The following LRRK1 variants were observed in gnomAD, a reference collection of about 807,000 sequenced individuals.
The protein encoded by LRRK1 is leucine-rich repeat serine/threonine-protein kinase 1.
In LRRK1, 113 loss-of-function variants were observed where a neutral mutation model predicts 209.1. That is an observed-to-expected ratio of 0.54 (90% CI 0.46 to 0.63). LRRK1 has a LOEUF of 0.63. Among genes scored for constraint, LRRK1 ranks in the 30% least tolerant of loss-of-function variants. The pLI is 0.00. For synonymous variants in LRRK1, 1,144 were observed against 1,099.7 expected, an observed-to-expected ratio of 1.04 and a Z score of -0.80; for missense variants, 2,284 against 2,632.2, an observed-to-expected ratio of 0.87 and a Z score of 2.89.
chr15:100,947,801 G>A (rs772319064), intron 2 of LRRK1, among the ~76,000 whole-genome samples: 26 of 152,124 alleles, frequency 1.7e-4, no homozygotes, highest in Non-Finnish European at 1.0e-4. Flanking sequence ...GAACTTTCAA[G>A]CAGGAAAAAC....
intron 21 of LRRK1, among the ~76,000 whole-genome samples, chr15:101,047,804 G>A (rs952727169): frequency 6.6e-6 from 1 of 152,140 alleles, no homozygotes; most frequent in Non-Finnish European, 1.5e-5. Context: ...CAGACCCTTC[G>A]ACCAATAATC....
chr15:101,011,848 AG>A (rs1322229619), intron 9 of LRRK1, among the ~76,000 whole-genome samples, 159 bp from the exon 10 acceptor site: 12 of 152,334 alleles, frequency 7.9e-5, no homozygotes, highest in Non-Finnish European at 1.2e-4. Context: ...GGACAAGGAC[AG>A]TGAGGGTGTG....
intron 4 of LRRK1, among the ~76,000 whole-genome samples, chr15:100,986,410 A>G (rs2031873801): frequency 6.6e-6 from 1 of 152,208 alleles, no homozygotes; most frequent in Non-Finnish European, 1.5e-5. Flanking sequence ...TGTGGTTAAG[A>G]GAGCACCCTT....
rs1247341695 is a variant in LRRK1 at position 101,028,967 on chromosome 15, C to T, written c.2698C>T (p.Leu900Phe). 6.2e-7 allele frequency: 1 copy of T among 1,613,968 alleles called. No individual in the cohort carries two copies. Among genetic ancestry groups the T allele is most frequent in the Non-Finnish European group, 8.5e-7 (1 of 1,179,938 alleles). The change falls in exon 20 of 34, where the codon CTC becomes TTC. Residue 900 changes from leucine to phenylalanine, a missense_variant. By Grantham distance (22) the Leu-to-Phe change is conservative (BLOSUM62 0). Around this residue, in one of 6 missense-constraint regions of LRRK1, gnomAD observed 780 missense variants for 985.2 expected, o/e 0.79. Coordinates refer to ENST00000388948, the MANE Select transcript of LRRK1 (RefSeq NM_024652.6). ...YEDLQSAISF[L>F]IETGTLLHFP... ...CTTGCCTGGGGCAGCCATCAGCTTCCTCATAGAAACCGGCACCCTGCTCCA... is the reference window on the plus strand; with the variant it reads ...CTTGCCTGGGGCAGCCATCAGCTTCTTCATAGAAACCGGCACCCTGCTCCA...
intron 2 of LRRK1, among the ~76,000 whole-genome samples, chr15:100,952,724 G>T (rs1483838905): frequency 6.6e-6 from 1 of 152,104 alleles, no homozygotes; most frequent in African/African-American, 2.4e-5. Flanking sequence ...CAGGCTTTCA[G>T]GTACATCCAC....
chr15:100,983,867 C>A (rs759118165), intron 4 of LRRK1, 168 bp downstream of exon 4: 1 of 772,370 alleles, frequency 1.3e-6, no homozygotes, highest in East Asian at 2.4e-5. Flanking sequence ...CCACATTCCA[C>A]CTCTCACTCC....
chr15:100,986,558 T>A (rs2031886337), intron 4 of LRRK1, among the ~76,000 whole-genome samples: 1 of 152,168 alleles, frequency 6.6e-6, no homozygotes, highest in Non-Finnish European at 1.5e-5. Flanking sequence ...AGGTGTACGG[T>A]GTAAGAGCAG....
intron 6 of LRRK1, among the ~76,000 whole-genome samples, chr15:100,990,582 A>G (rs2032109354): frequency 6.6e-6 from 1 of 152,134 alleles, no homozygotes; most frequent in Non-Finnish European, 1.5e-5. Flanking sequence ...TTTAATTTCC[A>G]TGTTATATTA....
rs1157187906 is a variant in LRRK1, at chr15:101,026,096, C to T, written c.2364C>T (p.Ser788=). 2 of 1,614,270 alleles carry T rather than the reference C, an allele frequency of 1.2e-6. No homozygotes were observed. The highest frequency in any genetic ancestry group is 1.7e-6 in the Non-Finnish European group (2 of 1,180,048). Residue 788 remains serine (S), a synonymous_variant, in exon 17 of 34, where the codon TCC becomes TCT. Transcript: ENST00000388948. The part of the protein sequence containing the change: ...VLALCRSPSG[S]RATGFPDITF... ...CACTCTGCCGCTCCCCCTCCGGCTC[C>T]AGGGCCACAGGCTTCCCAGACATCA... is the stretch of plus-strand genomic sequence containing the variant.
At chr15:100,950,617 C>T (rs1462401808) in intron 2 of LRRK1, among the ~76,000 whole-genome samples, 1 of 151,988 alleles carries the variant, frequency 6.6e-6, no homozygotes, top group Non-Finnish European at 1.5e-5. Flanking sequence ...AAAACACAAG[C>T]GACAAAAGGA....
chr15:100,949,852 A>G (rs1295979145), intron 2 of LRRK1, among the ~76,000 whole-genome samples: 2 of 152,170 alleles, frequency 1.3e-5, no homozygotes, highest in Non-Finnish European at 2.9e-5. Flanking sequence ...TAATAGAAGG[A>G]AACTTCCTCA....
intron 1 of LRRK1, among the ~76,000 whole-genome samples, chr15:100,920,749 CTGTG>C (rs1319995392): frequency 6.6e-6 from 1 of 150,880 alleles, no homozygotes; most frequent in African/African-American, 2.4e-5. Flanking sequence ...CAGCGTGCGT[CTGTG>C]TGTGTCTGTG....
At position 101,029,174 on chromosome 15, in the gene LRRK1, G is replaced by C. The variant is rs2034172256; in HGVS notation, c.2905G>C (p.Glu969Gln). The change falls in exon 20 of 34, where the codon GAG becomes CAG. Residue 969 changes from glutamate (E) to glutamine (Q), a missense_variant. Coordinates refer to ENST00000388948, the MANE Select transcript of LRRK1 (RefSeq NM_024652.6). ...GACTGGCTTCACGCAGCAGACGGAA[G>C]AGCAGTACTTCCAGTTCCTGGCCAA... ...VGTGFTQQTE[E>Q]QYFQFLAKFE... The C allele has an allele frequency of 6.2e-7, 1 of 1,613,994 alleles. No homozygotes were observed. Among genetic ancestry groups the C allele is most frequent in the African/African-American group, 1.3e-5 (1 of 74,930 alleles).
chr15:101,021,590 T>G (rs978092690), intron 13 of LRRK1: 1 of 534,056 alleles, frequency 1.9e-6, no homozygotes, highest in East Asian at 3.1e-5. Flanking sequence ...ATGTACTTAG[T>G]AGCAGAGACA....
chr15:100,999,292 C>G (rs951248145), intron 6 of LRRK1, among the ~76,000 whole-genome samples: 4 of 152,186 alleles, frequency 2.6e-5, no homozygotes, highest in Non-Finnish European at 4.4e-5. Flanking sequence ...AAAAACCTCT[C>G]TACCTGTTTT....
intron 2 of LRRK1, among the ~76,000 whole-genome samples, chr15:100,958,087 C>A (rs150876788): frequency 6.2e-4 from 95 of 152,266 alleles, no homozygotes; most frequent in Middle Eastern, 3.4e-3. Context: ...AACTCCTGAC[C>A]GCAAGTGATC....
chr15:100,925,237 T>G (rs2042089630), intron 2 of LRRK1, among the ~76,000 whole-genome samples: 1 of 152,348 alleles, frequency 6.6e-6, no homozygotes, highest in African/African-American at 2.4e-5. Flanking sequence ...TTTTTTCTCT[T>G]CACCGTCCAT....
At chr15:101,038,628 T>C (rs2034598846) in intron 20 of LRRK1, among the ~76,000 whole-genome samples, 1 of 152,230 alleles carries the variant, frequency 6.6e-6, no homozygotes, top group Non-Finnish European at 1.5e-5. Context: ...CCTAGCAGGC[T>C]GCCTTGCTTC....
intron 20 of LRRK1, among the ~76,000 whole-genome samples, chr15:101,041,357 T>C (rs2034748520): frequency 6.6e-6 from 1 of 152,264 alleles, no homozygotes; most frequent in Non-Finnish European, 1.5e-5. Context: ...CATTCACATT[T>C]ATCATAATTA....
Sources: allele counts gnomAD v4.1 joint callset (sites outside exome capture counted in the v4.1 genomes callset), GRCh38; gene constraint gnomAD v4.1.1; regional missense constraint gnomAD v4.1.1; transcripts MANE v1.5; gene names NCBI Gene and HGNC (gene_info 2026-07-23, HGNC 2026-07-21).